The following CNR2 variants were observed in gnomAD, a reference collection of about 807,000 sequenced individuals.
The protein encoded by CNR2 is cannabinoid receptor 2 (macrophage).
For missense variants in CNR2, 379 were observed against 439.9 expected (o/e 0.86, Z 1.24); for synonymous variants, 172 against 182.2 (o/e 0.94, Z 0.45).
chr1:23,912,595 G>T (rs1192052498), intron 1 of CNR2, among the ~76,000 whole-genome samples: 3 of 152,242 alleles, frequency 2.0e-5, no homozygotes, highest in Non-Finnish European at 4.4e-5. Context: ...AGCTCCTACT[G>T]CATACGGCTG....
intron 1 of CNR2, chr1:23,907,899 A>G (rs758852349): frequency 6.6e-6 from 1 of 151,326 alleles, no homozygotes; most frequent in Non-Finnish European, 1.5e-5. Context: ...GTAAAGCCAT[A>G]TATCAGCCAA....
intron 1 of CNR2, among the ~76,000 whole-genome samples, chr1:23,877,511 T>C (rs1283709620): frequency 6.6e-6 from 1 of 152,040 alleles, no homozygotes; most frequent in Non-Finnish European, 1.5e-5. Context: ...GGCAGGTGCC[T>C]GTAGTCTCAG....
intron 1 of CNR2, among the ~76,000 whole-genome samples, chr1:23,909,247 TC>T (rs747039713): frequency 5.9e-5 from 9 of 152,036 alleles, no homozygotes; most frequent in Non-Finnish European, 1.0e-4. Flanking sequence ...GCATTTGAGG[TC>T]TTTGCTGCAT....
chr1:23,893,002 C>T (rs935901801), intron 1 of CNR2, among the ~76,000 whole-genome samples: 1 of 151,968 alleles, frequency 6.6e-6, no homozygotes, highest in Non-Finnish European at 1.5e-5. Context: ...GGCGACAGAG[C>T]GAGACTCTGT....
At chr1:23,896,307 G>A (rs904932496) in intron 1 of CNR2, among the ~76,000 whole-genome samples, 1 of 152,154 alleles carries the variant, frequency 6.6e-6, no homozygotes, top group Admixed American at 6.6e-5. Context: ...AGTACTATTA[G>A]CTTTTTGTTC....
At position 23,874,898 on chromosome 1, in the gene CNR2, A is replaced by G. The variant is rs2148455610; in HGVS notation, c.720T>C (p.Asp240=). 6 of 1,614,088 alleles carry G rather than the reference A, an allele frequency of 3.7e-6. No individual in the cohort carries two copies. The highest frequency in any genetic ancestry group is 5.1e-6 in the Non-Finnish European group (6 of 1,179,992). The part of the protein sequence containing the change: ...QVPGMARMRL[D]VRLAKTLGLV... ...GCCCTAGGGTCTTGGCCAACCTCACATCCAGCCTCATTCGGGCCATTCCTG... is the reference window on the plus strand; with the variant it reads ...GCCCTAGGGTCTTGGCCAACCTCACGTCCAGCCTCATTCGGGCCATTCCTG... Residue 240 remains aspartate (D), a synonymous_variant, in exon 2 of 2, where the codon GAT becomes GAC. Transcript: ENST00000374472.
At position 23,907,408 on chromosome 1, in the gene CNR2, CAAAAAA is replaced by C. The variant is rs58616828; in HGVS notation, c.-46+5832_-46+5837del. ...CTGGTGACAGAGGGAGACCTTGTCTCAAAAAAAAAAAAAAAAAACAAGAGAAAAAAG... is the reference window on the plus strand; with the variant it reads ...CTGGTGACAGAGGGAGACCTTGTCTCAAAAAAAAAAAACAAGAGAAAAAAG... On this transcript the variant is annotated intron_variant, in intron 1 of 1. Transcript: ENST00000374472. Among the ~76,000 whole-genome samples the C allele has an allele frequency of 4.1e-5, 4 of 98,286 alleles. No individual in the cohort carries two copies. In the East Asian group the frequency reaches 1.2e-3, roughly 30 times the overall value. 64.5% of individuals were successfully genotyped at this position (98,286 alleles called of 152,430 possible).
chr1:23,878,847 A>C (rs1395512414), intron 1 of CNR2, among the ~76,000 whole-genome samples: 1 of 152,226 alleles, frequency 6.6e-6, no homozygotes, highest in Non-Finnish European at 1.5e-5. Context: ...GCAACAATAG[A>C]AGCCAAAAAA....
chr1:23,895,896 G>A (rs1458092325), intron 1 of CNR2, among the ~76,000 whole-genome samples: 1 of 152,072 alleles, frequency 6.6e-6, no homozygotes, highest in Non-Finnish European at 1.5e-5. Context: ...CTGATACCAC[G>A]CACAATCTTT....
intron 1 of CNR2, among the ~76,000 whole-genome samples, chr1:23,912,264 C>T (rs1377066024): frequency 6.6e-6 from 1 of 152,208 alleles, no homozygotes. Flanking sequence ...CTGCTCTTCC[C>T]TCCGCTGAGT....
At chr1:23,897,471 T>A (rs551711524) in intron 1 of CNR2, among the ~76,000 whole-genome samples, 1 of 123,408 alleles carries the variant, frequency 8.1e-6, no homozygotes, top group African/African-American at 3.1e-5. Flanking sequence ...TCCTATTGCA[T>A]GTTAATAGAA....
chr1:23,900,830 C>T (rs1640386885), intron 1 of CNR2, among the ~76,000 whole-genome samples: 1 of 152,014 alleles, frequency 6.6e-6, no homozygotes. Context: ...TTTATCCTTC[C>T]CACCTTGGAC....
At chr1:23,892,378 A>C (rs146585395) in intron 1 of CNR2, among the ~76,000 whole-genome samples, 1 of 152,160 alleles carries the variant, frequency 6.6e-6, no homozygotes, top group Non-Finnish European at 1.5e-5. Flanking sequence ...CTGGCAAAGG[A>C]GTTGTTTCCT....
chr1:23,894,034 T>C (rs1487796509), intron 1 of CNR2, among the ~76,000 whole-genome samples: 2 of 151,692 alleles, frequency 1.3e-5, no homozygotes, highest in African/African-American at 4.8e-5. Context: ...GGTGGTGGAT[T>C]GCTGGAGCCC....
In CNR2 at chr1:23,877,463, G is replaced by A. The variant is rs138146436; in HGVS notation, c.-45-1801C>T. 1.1e-4 allele frequency among the ~76,000 whole-genome samples: 17 copies of A among 151,930 alleles called. No homozygotes were observed. In the South Asian group the frequency reaches 2.5e-3, roughly 22 times the overall value. On this transcript the variant is annotated intron_variant, in intron 1 of 1. Coordinates refer to ENST00000374472, the MANE Select transcript of CNR2 (RefSeq NM_001841.3). ...ATCCTGGCTAACACGGTGAAACCTC[G>A]TCTCTACTAAAAATACAAAAAATTA... is the stretch of plus-strand genomic sequence containing the variant.
chr1:23,906,543 TTTC>T (rs1327016296), intron 1 of CNR2, among the ~76,000 whole-genome samples: 5 of 33,300 alleles, frequency 1.5e-4, no homozygotes, highest in African/African-American at 1.9e-4. Context: ...CTTTTTTTTC[TTTC>T]TTTTTTTTTT....
chr1:23,911,303 T>G (rs1640579274), intron 1 of CNR2, among the ~76,000 whole-genome samples: 1 of 151,944 alleles, frequency 6.6e-6, no homozygotes, highest in African/African-American at 2.4e-5. Context: ...GGGAAGTCAC[T>G]GGGTGATATA....
At chr1:23,897,063 TG>T (rs1399703517) in intron 1 of CNR2, among the ~76,000 whole-genome samples, 1 of 151,978 alleles carries the variant, frequency 6.6e-6, no homozygotes, top group Non-Finnish European at 1.5e-5. Context: ...TTAGTAGAGA[TG>T]GGGTTTCACT....
chr1:23,874,332 C>T lies in CNR2; in HGVS notation c.*203G>A, dbSNP rs1455936228. On this transcript the variant is annotated 3_prime_UTR_variant, in exon 2 of 2. Coordinates refer to ENST00000374472, the MANE Select transcript of CNR2 (RefSeq NM_001841.3). ...GCCTACCTGGCTACTCCTCGTGGCCCTACCTATCCAACAGACTGTGTGCAG... is the reference window on the plus strand; with the variant it reads ...GCCTACCTGGCTACTCCTCGTGGCCTTACCTATCCAACAGACTGTGTGCAG... 1 of 586,554 alleles carries T rather than the reference C, an allele frequency of 1.7e-6. No individual in the cohort carries two copies. The highest frequency in any genetic ancestry group is 3.0e-6 in the Non-Finnish European group (1 of 334,238). 36.3% of individuals were successfully genotyped at this position (586,554 alleles called of 1,614,324 possible).
Sources: gnomAD v4.1 joint callset for allele counts (sites outside exome capture counted in the v4.1 genomes callset) on GRCh38, gnomAD v4.1.1 for gene constraint, MANE v1.5 for transcripts, NCBI Gene and HGNC (gene_info 2026-07-23, HGNC 2026-07-21) for gene names.